The following IRAG1 variants were observed in gnomAD, a reference collection of about 807,000 sequenced individuals.
IRAG1 encodes inositol 1,4,5-triphosphate receptor associated 1.
IRAG1 carries 62 observed loss-of-function variants against 106.2 expected under a neutral mutation model. The observed-to-expected ratio is 0.58, with a 90% CI of 0.48 to 0.72. IRAG1 has a LOEUF of 0.72. Among genes scored for constraint, IRAG1 ranks in the 30% least tolerant of loss-of-function variants. The pLI, the probability that IRAG1 is intolerant of heterozygous loss-of-function variation, is 0.00. For missense variants in IRAG1, 1,064 were observed against 1,140.7 expected (o/e 0.93, Z 0.97); for synonymous variants, 462 against 443.9 (o/e 1.04, Z -0.51).
intron 18 of IRAG1, among the ~76,000 whole-genome samples, chr11:10,590,172 G>A (rs116573529): frequency 0.035 from 5,255 of 152,240 alleles, 119 homozygotes; most frequent in South Asian, 0.056. Context: ...CCCTGGATGA[G>A]GTACTATGAC....
intron 1 of IRAG1, among the ~76,000 whole-genome samples, chr11:10,691,263 G>A (rs1862034761): frequency 6.6e-6 from 1 of 152,204 alleles, no homozygotes; most frequent in Non-Finnish European, 1.5e-5. Context: ...TGAGCACTTC[G>A]TGTGCTCCCG....
rs887463023 is a variant in IRAG1, at chr11:10,647,105, T to G, written c.225+4920A>C. ...TGACAGCGAGCTCTGAAGTTGGCCC[T>G]TCTGAGGTGAGTGGCTTTGGGAACA... On this transcript the variant is annotated intron_variant, in intron 2 of 20. Transcript: ENST00000423302. The surrounding 1 kb of genome is among the most constrained non-coding windows in gnomAD (Gnocchi z 4.3). Among the ~76,000 whole-genome samples, 3 of 152,146 alleles carry G rather than the reference T, an allele frequency of 2.0e-5. No homozygotes were observed. Among genetic ancestry groups the G allele is most frequent in the African/African-American group, 7.2e-5 (3 of 41,440 alleles).
intron 11 of IRAG1, among the ~76,000 whole-genome samples, chr11:10,608,728 C>T (rs1451789443): frequency 1.3e-5 from 2 of 152,162 alleles, no homozygotes; most frequent in Admixed American, 1.3e-4. Flanking sequence ...TCTTTATATG[C>T]TCTAGAAACA....
At chr11:10,588,847 G>C (rs1027064060) in intron 18 of IRAG1, among the ~76,000 whole-genome samples, 2 of 152,206 alleles carry the variant, frequency 1.3e-5, no homozygotes, top group African/African-American at 4.8e-5. Flanking sequence ...AGCTCCTTGA[G>C]TACATTCTAT....
intron 1 of IRAG1, among the ~76,000 whole-genome samples, chr11:10,684,301 T>C (rs1315118186): frequency 6.6e-6 from 1 of 152,166 alleles, no homozygotes; most frequent in East Asian, 1.9e-4. Flanking sequence ...GTTCATGTCC[T>C]TTGTAGGGAC....
chr11:10,635,480 G>C (rs1857079241), intron 2 of IRAG1, among the ~76,000 whole-genome samples: 1 of 152,214 alleles, frequency 6.6e-6, no homozygotes, highest in Non-Finnish European at 1.5e-5. Context: ...TAGAGCCCCT[G>C]CATATGAAAT....
chr11:10,594,906 C>T (rs958074031), intron 15 of IRAG1, among the ~76,000 whole-genome samples: 1 of 152,072 alleles, frequency 6.6e-6, no homozygotes, highest in Admixed American at 6.5e-5. Flanking sequence ...AAGCACATAG[C>T]CGTATGTGTT....
chr11:10,602,654 G>C (rs1854131826), intron 14 of IRAG1, among the ~76,000 whole-genome samples: 1 of 152,162 alleles, frequency 6.6e-6, no homozygotes, highest in Admixed American at 6.5e-5. Context: ...GTTGCTGGGT[G>C]GATTTAATGA....
At chr11:10,648,909 C>T (rs1858208868) in intron 2 of IRAG1, among the ~76,000 whole-genome samples, 1 of 152,268 alleles carries the variant, frequency 6.6e-6, no homozygotes, top group Admixed American at 6.5e-5. Context: ...GTGCTCATGC[C>T]AGTGATGGGA....
intron 11 of IRAG1, among the ~76,000 whole-genome samples, chr11:10,608,687 G>T (rs1854682340): frequency 6.6e-6 from 1 of 152,198 alleles, no homozygotes; most frequent in South Asian, 2.1e-4. Flanking sequence ...TTGAAAAATT[G>T]GTTATTTATC....
rs765728362 is a variant in IRAG1, at chr11:10,629,695, G to A, written c.417C>T (p.Ile139=). 2 of 1,613,682 alleles carry A rather than the reference G, an allele frequency of 1.2e-6. No individual in the cohort carries two copies. Among genetic ancestry groups the A allele is most frequent in the South Asian group, 2.2e-5 (2 of 91,012 alleles). ...SLTSVDPAGH[I]IDLVNDQLPD... ...GCAGCTGGTCATTCACCAGGTCAATGATGTGCCCCGCGGGGTCTGCAGAAG... is the reference window on the plus strand; with the variant it reads ...GCAGCTGGTCATTCACCAGGTCAATAATGTGCCCCGCGGGGTCTGCAGAAG... The change falls in exon 5 of 21, where the codon ATC becomes ATT. Residue 139 remains isoleucine (I), a synonymous_variant. Coordinates refer to ENST00000423302, the MANE Select transcript of IRAG1 (RefSeq NM_130385.4).
chr11:10,630,111 T>G (rs1177177371), intron 4 of IRAG1: 2 of 159,804 alleles, frequency 1.3e-5, no homozygotes, highest in Admixed American at 6.1e-5. Context: ...CAAAGATCAT[T>G]GGCCACGGCC....
intron 2 of IRAG1, among the ~76,000 whole-genome samples, chr11:10,642,635 T>G (rs1564924296): frequency 6.6e-6 from 1 of 152,254 alleles, no homozygotes; most frequent in Admixed American, 6.5e-5. Context: ...GTTACTAAAC[T>G]TCTCTTTCAT....
chr11:10,686,758 A>G (rs1861687445), intron 1 of IRAG1, among the ~76,000 whole-genome samples: 1 of 152,216 alleles, frequency 6.6e-6, no homozygotes, highest in Non-Finnish European at 1.5e-5. Context: ...CATACTAGTT[A>G]CTATCCTCCT....
chr11:10,690,587 T>A (rs552056361), intron 1 of IRAG1, among the ~76,000 whole-genome samples: 1 of 152,240 alleles, frequency 6.6e-6, no homozygotes, highest in East Asian at 1.9e-4. Context: ...TAACATGATA[T>A]CCCCTTTCCC....
At chr11:10,655,490 A>T (rs1364310685) in intron 1 of IRAG1, among the ~76,000 whole-genome samples, 1 of 152,246 alleles carries the variant, frequency 6.6e-6, no homozygotes, top group African/African-American at 2.4e-5. Flanking sequence ...GATGAAGGCA[A>T]GGGACGACCT....
At chr11:10,625,714 T>G (rs1321542064) in intron 9 of IRAG1, among the ~76,000 whole-genome samples, 1 of 151,910 alleles carries the variant, frequency 6.6e-6, no homozygotes, top group Non-Finnish European at 1.5e-5. Context: ...GAGATGTGGC[T>G]TTGTGTGGCA....
chr11:10,613,865 A>G (rs544923625), intron 10 of IRAG1, among the ~76,000 whole-genome samples: 1 of 152,246 alleles, frequency 6.6e-6, no homozygotes, highest in Non-Finnish European at 1.5e-5. Flanking sequence ...GCCCCTCTCA[A>G]GGCTAGCTAA....
chr11:10,688,849 A>C (rs1004543507), intron 1 of IRAG1, among the ~76,000 whole-genome samples: 10 of 152,222 alleles, frequency 6.6e-5, no homozygotes, highest in Admixed American at 1.3e-4. Context: ...CAGAAAATCA[A>C]GACTGAAACC....
Sources: gnomAD v4.1 joint callset for allele counts (sites outside exome capture counted in the v4.1 genomes callset) on GRCh38, gnomAD v4.1.1 for gene constraint, Gnocchi (gnomAD v3.1) non-coding constraint, MANE v1.5 for transcripts, NCBI Gene and HGNC (gene_info 2026-07-23, HGNC 2026-07-21) for gene names.